The following FOCAD variants were observed in gnomAD, a reference collection of about 807,000 sequenced individuals.
FOCAD encodes the protein KIAA1797.
A neutral mutation model predicts 225.6 loss-of-function variants in FOCAD; 198 were observed. The ratio of observed to expected loss-of-function variants is 0.88; its 90% confidence interval spans 0.78 to 0.99. The LOEUF (loss-of-function observed/expected upper bound fraction) is 0.99, where lower values mean the gene tolerates loss of function less well. FOCAD is among the 50% of genes least tolerant of loss of function. FOCAD has a pLI of 0.00. For synonymous variants in FOCAD, 897 were observed against 755.0 expected (o/e 1.19, Z -3.08); for missense variants, 2,713 against 2,123.6 (o/e 1.28, Z -5.46).
At chr9:20,769,175 T>C (rs1817921818) in intron 7 of FOCAD, among the ~76,000 whole-genome samples, 1 of 152,242 alleles carries the variant, frequency 6.6e-6, no homozygotes, top group Admixed American at 6.5e-5. Context: ...CTCTTTGATC[T>C]TTTAATATCT....
chr9:20,948,918 A>G lies in FOCAD; in HGVS notation c.3866A>G (p.Asp1289Gly), dbSNP rs758451507. ...GTGGCCTTGGTAGGCTCTGAAGGGG[A>G]TGTAATGCAGGTAAAGAAAGGAACC... ...GMVALVGSEG[D>G]VMQLKSEAIQ... Residue 1289 changes from aspartate (D) to glycine (G), a missense_variant, in exon 32 of 44, where the codon GAT becomes GGT. Physicochemically the swap from Asp to Gly is moderately conservative, Grantham distance 94. Transcript: ENST00000338382. The G allele has an allele frequency of 1.9e-6, 3 of 1,613,344 alleles. No homozygotes were observed. Among genetic ancestry groups the G allele is most frequent in the South Asian group, 1.1e-5 (1 of 91,058 alleles).
intron 2 of FOCAD, among the ~76,000 whole-genome samples, chr9:20,665,626 G>A (rs1259226350): frequency 7.2e-5 from 11 of 152,156 alleles, no homozygotes; most frequent in Admixed American, 5.2e-4. Context: ...GACAGCACAA[G>A]CCTAAGCAGG....
At chr9:20,724,154 A>G (rs1385311983) in intron 4 of FOCAD, among the ~76,000 whole-genome samples, 2 of 152,228 alleles carry the variant, frequency 1.3e-5, no homozygotes, top group Non-Finnish European at 2.9e-5. Flanking sequence ...TCATATGTCA[A>G]CATAAGATTT....
intron 5 of FOCAD, among the ~76,000 whole-genome samples, chr9:20,742,672 C>T (rs1827731163): frequency 6.6e-6 from 1 of 152,204 alleles, no homozygotes; most frequent in Non-Finnish European, 1.5e-5. Flanking sequence ...TTGGGTTACT[C>T]TCATTTTAAT....
rs1274073430 is a variant in FOCAD, at chr9:20,912,884, G to C, written c.2737G>C (p.Glu913Gln). 3 of 1,613,284 alleles carry C rather than the reference G, an allele frequency of 1.9e-6. No individual in the cohort carries two copies. In the Admixed American group the frequency reaches 5.0e-5, roughly 27 times the overall value. ...AILQGRLGEL[E>Q]LQLKHGKEEP... ...TTTGCAGGGAAGACTAGGAGAGCTG[G>C]AGTTGCAGTTAAAACATGGAAAAGA... Residue 913 changes from glutamate (E) to glutamine (Q), a missense_variant, in exon 23 of 44, where the codon GAG (glutamate) becomes CAG (glutamine). Physicochemically the swap from Glu to Gln is conservative, Grantham distance 29. Transcript: ENST00000338382.
intron 2 of FOCAD, among the ~76,000 whole-genome samples, chr9:20,665,770 C>T (rs1821881655): frequency 6.6e-6 from 1 of 152,138 alleles, no homozygotes; most frequent in Admixed American, 6.5e-5. Context: ...GTGGCTCACG[C>T]CTGTAAGCCC....
At chr9:20,873,237 G>C (rs1829951326) in intron 18 of FOCAD, among the ~76,000 whole-genome samples, 1 of 151,980 alleles carries the variant, frequency 6.6e-6, no homozygotes, top group Admixed American at 6.6e-5. Context: ...GTTTTGCCAC[G>C]TTACTATGAT....
At chr9:20,773,827 C>T (rs1033864387) in intron 8 of FOCAD, among the ~76,000 whole-genome samples, 1 of 151,972 alleles carries the variant, frequency 6.6e-6, no homozygotes, top group African/African-American at 2.4e-5. Context: ...GGAGAGTTTC[C>T]TATCTTCTGG....
At chr9:20,968,236 G>C (rs1839439692) in intron 35 of FOCAD, among the ~76,000 whole-genome samples, 1 of 151,780 alleles carries the variant, frequency 6.6e-6, no homozygotes, top group Non-Finnish European at 1.5e-5. Context: ...CTAATCTGTT[G>C]GCATACATTT....
At chr9:20,945,317 A>G (rs1837068233) in intron 29 of FOCAD, among the ~76,000 whole-genome samples, 1 of 152,200 alleles carries the variant, frequency 6.6e-6, no homozygotes, top group Non-Finnish European at 1.5e-5. Context: ...TAGATGGAAC[A>G]TTTCAGGCAT....
chr9:20,841,826 T>C (rs191958123), intron 15 of FOCAD, among the ~76,000 whole-genome samples: 48 of 152,022 alleles, frequency 3.2e-4, no homozygotes, highest in Admixed American at 1.4e-3. Context: ...TTCTAGTTCT[T>C]TGATGTGTGT....
In FOCAD at chr9:20,984,304, T is replaced by C. The variant is rs532286168; in HGVS notation, c.4728+1858T>C. Among the ~76,000 whole-genome samples, 4 of 152,282 alleles carry C rather than the reference T, an allele frequency of 2.6e-5. No homozygotes were observed. In the East Asian group the frequency reaches 7.7e-4, roughly 29 times the overall value. On this transcript the variant is annotated intron_variant, in intron 39 of 43. Transcript: ENST00000338382. ...TTTAATAGTGATCTACTGCAGAGAA[T>C]TGGTGTGAGAATGAGTAAATACAGC... is the stretch of plus-strand genomic sequence containing the variant.
chr9:20,950,305 A>G (rs1837575893), intron 33 of FOCAD, among the ~76,000 whole-genome samples: 1 of 152,150 alleles, frequency 6.6e-6, no homozygotes, highest in Non-Finnish European at 1.5e-5. Flanking sequence ...CTTAGTGTAT[A>G]TAGAACTTTA....
chr9:20,717,028 C>T (rs190824355), intron 2 of FOCAD, among the ~76,000 whole-genome samples: 47 of 152,292 alleles, frequency 3.1e-4, no homozygotes, highest in African/African-American at 1.1e-3. Context: ...TCAACCTATC[C>T]ATGGGTGCTC....
chr9:20,676,407 G>A (rs1299476683), intron 2 of FOCAD, among the ~76,000 whole-genome samples: 1 of 152,204 alleles, frequency 6.6e-6, no homozygotes, highest in Non-Finnish European at 1.5e-5. Flanking sequence ...CTCAATTACT[G>A]TTATTGAACA....
intron 11 of FOCAD, among the ~76,000 whole-genome samples, chr9:20,797,631 T>C (rs1821274678): frequency 1.3e-5 from 2 of 152,148 alleles, no homozygotes; most frequent in African/African-American, 4.8e-5. Flanking sequence ...TATTGATGTA[T>C]AAGAATGCTT....
chr9:20,912,712 T>C (rs1163445426), intron 22 of FOCAD, among the ~76,000 whole-genome samples, 154 bp from the exon 23 acceptor site: 1 of 152,184 alleles, frequency 6.6e-6, no homozygotes, highest in Non-Finnish European at 1.5e-5. Context: ...ATTGATGTGA[T>C]GATTTCTCCT....
chr9:20,711,370 C>G, intron 1 of FOCAD, among the ~76,000 whole-genome samples: 1 of 152,140 alleles, frequency 6.6e-6, no homozygotes, highest in East Asian at 1.9e-4. Flanking sequence ...GGCATAAAAG[C>G]TAGGCATCAG....
intron 28 of FOCAD, among the ~76,000 whole-genome samples, chr9:20,941,981 A>T (rs1379041423): frequency 2.6e-5 from 4 of 152,244 alleles, no homozygotes; most frequent in Non-Finnish European, 5.9e-5. Flanking sequence ...ACATTAAAAT[A>T]TAGAAGATTT....
Sources: allele counts gnomAD v4.1 joint callset (sites outside exome capture counted in the v4.1 genomes callset), GRCh38; gene constraint gnomAD v4.1.1; transcripts MANE v1.5; gene names NCBI Gene and HGNC (gene_info 2026-07-23, HGNC 2026-07-21).